ZFHX3: variants seen among roughly 807,000 people sequenced by gnomAD.
ZFHX3 encodes zinc finger homeobox 3, also known as zinc finger homeobox protein 3.
A neutral mutation model predicts 279.1 loss-of-function variants in ZFHX3; 42 were observed. The ratio of observed to expected loss-of-function variants is 0.15; its 90% CI spans 0.12 to 0.19. ZFHX3 has a LOEUF of 0.19. Ranked by LOEUF, ZFHX3 falls within the 10% of genes least tolerant of loss-of-function variation. The probability of loss-of-function intolerance (pLI) is 1.00; values close to 1 mark genes in which losing one functional copy is unlikely to be tolerated. For synonymous variants in ZFHX3, 2,293 were observed against 1,957.8 expected (o/e 1.17, Z -4.52); for missense variants, 4,981 against 4,754.0 (o/e 1.05, Z -1.40).
intron 7 of ZFHX3, among the ~76,000 whole-genome samples, chr16:73,118,226 G>T (rs911737055): frequency 6.6e-6 from 1 of 152,112 alleles, no homozygotes; most frequent in East Asian, 1.9e-4. Flanking sequence ...TTTTGTTGTT[G>T]TTGAGACAGT....
chr16:73,742,350 G>T (rs11859310), intron 1 of ZFHX3, among the ~76,000 whole-genome samples: 3 of 152,026 alleles, frequency 2.0e-5, no homozygotes, highest in African/African-American at 7.2e-5. Flanking sequence ...GTTTGAAGAG[G>T]GTGTGTGGGT....
chr16:73,882,646 T>A (rs181512912), intron 1 of ZFHX3, among the ~76,000 whole-genome samples: 143 of 152,074 alleles, frequency 9.4e-4, no homozygotes, highest in Non-Finnish European at 1.8e-3. Context: ...GTCTGGAAAT[T>A]CCAGGATCCT....
chr16:73,155,004 T>C (rs1967039131), intron 5 of ZFHX3, among the ~76,000 whole-genome samples: 1 of 151,702 alleles, frequency 6.6e-6, no homozygotes, highest in Non-Finnish European at 1.5e-5. Context: ...CGAAACCCCA[T>C]CTCTACTAAA....
intron 5 of ZFHX3, among the ~76,000 whole-genome samples, chr16:73,161,630 G>T (rs1195074344): frequency 6.6e-6 from 1 of 152,172 alleles, no homozygotes; most frequent in Non-Finnish European, 1.5e-5. Context: ...ATGATGAGAA[G>T]TGCTTGTTAA....
intron 1 of ZFHX3, among the ~76,000 whole-genome samples, chr16:73,739,110 T>C (rs975416124): frequency 6.6e-6 from 1 of 152,198 alleles, no homozygotes; most frequent in African/African-American, 2.4e-5. Context: ...CTATTCTCCC[T>C]TTTGCTCAGC....
chr16:73,495,958 C>G (rs184263566), intron 2 of ZFHX3, among the ~76,000 whole-genome samples: 1 of 152,314 alleles, frequency 6.6e-6, no homozygotes, highest in African/African-American at 2.4e-5. Flanking sequence ...CACGGTCGTG[C>G]TGCAGAAACG....
At chr16:73,130,978 C>A in exon 7 of ZFHX3, 1 of 1,305,324 alleles carries the variant, frequency 7.7e-7, no homozygotes, top group Non-Finnish European at 1.0e-6. Context: ...CTCTATGCAA[C>A]TGCCGCTTTG....
chr16:73,130,760 A>G (rs1400333795), intron 7 of ZFHX3, among the ~76,000 whole-genome samples: 3 of 152,202 alleles, frequency 2.0e-5, no homozygotes, highest in Non-Finnish European at 4.4e-5. Context: ...GGCACCTGCC[A>G]CCAAGCCTGG....
In ZFHX3 at chr16:73,243,649, G is replaced by A. The variant is rs568091978; in HGVS notation, c.-1104+13398C>T. On this transcript the variant is annotated intron_variant, in intron 5 of 17. Coordinates refer to the ZFHX3 transcript ENST00000641206. ...CATATGACGGTAAAGGCTAAATTGTGAATTGCTTTCATCGGGGTTTTGCTT... is the reference window on the plus strand; with the variant it reads ...CATATGACGGTAAAGGCTAAATTGTAAATTGCTTTCATCGGGGTTTTGCTT... Among the ~76,000 whole-genome samples the A allele has an allele frequency of 2.1e-4, 32 of 152,266 alleles. No homozygotes were observed. In the South Asian group the frequency reaches 6.2e-3, roughly 30 times the overall value.
chr16:73,310,211 T>G (rs994058051), intron 4 of ZFHX3, among the ~76,000 whole-genome samples: 38 of 152,036 alleles, frequency 2.5e-4, no homozygotes, highest in African/African-American at 8.9e-4. Context: ...CCGGTCTGCT[T>G]TGGGACTCTT....
intron 3 of ZFHX3, among the ~76,000 whole-genome samples, chr16:72,921,641 A>G (rs772136639): frequency 3.3e-5 from 5 of 152,192 alleles, no homozygotes; most frequent in Non-Finnish European, 7.3e-5. Context: ...CCTTCCCCCA[A>G]TGCTTCGTGC....
intron 1 of ZFHX3, among the ~76,000 whole-genome samples, chr16:73,746,881 C>T (rs973835273): frequency 2.0e-5 from 3 of 152,138 alleles, no homozygotes; most frequent in Non-Finnish European, 2.9e-5. Flanking sequence ...TCCTTATTGC[C>T]AAAGTACACA....
At chr16:72,924,565 T>C (rs1191339545) in intron 3 of ZFHX3, among the ~76,000 whole-genome samples, 1 of 152,160 alleles carries the variant, frequency 6.6e-6, no homozygotes, top group Admixed American at 6.6e-5. Flanking sequence ...CTGGATATTC[T>C]CAGGCCGAAT....
chr16:73,043,319 CA>C (rs1476731535), intron 1 of ZFHX3, among the ~76,000 whole-genome samples: 2 of 152,084 alleles, frequency 1.3e-5, no homozygotes, highest in African/African-American at 4.8e-5. Context: ...GGGGGTCACC[CA>C]AAAGGCAGAT....
At chr16:73,589,375 G>A (rs1185399152) in intron 2 of ZFHX3, among the ~76,000 whole-genome samples, 17 of 146,942 alleles carry the variant, frequency 1.2e-4, no homozygotes, top group African/African-American at 4.3e-4. Flanking sequence ...GGTTAAGATT[G>A]CAGTGTGCTA....
chr16:73,231,172 GACACAGGTGCA>G (rs1341163894), intron 5 of ZFHX3, among the ~76,000 whole-genome samples: 1 of 152,214 alleles, frequency 6.6e-6, no homozygotes, highest in African/African-American at 2.4e-5. Flanking sequence ...CACTCCCCGG[GACACAGGTGCA>G]TGCCCAGCAT....
At position 73,850,410 on chromosome 16, in the gene ZFHX3, A is replaced by G. The variant is rs574906330; in HGVS notation, c.-1608+41241T>C. Among the ~76,000 whole-genome samples, 10 of 152,342 alleles carry G rather than the reference A, an allele frequency of 6.6e-5. 1 individual carries two copies. Among genetic ancestry groups the G allele is most frequent in the Middle Eastern group, 6.8e-3 (2 of 294 alleles). ...CTTGCTGGATTTTGGTGGGAAATCAAGATGGCTTCCTTCTGAAAACTGAGT... is the reference window on the plus strand; with the variant it reads ...CTTGCTGGATTTTGGTGGGAAATCAGGATGGCTTCCTTCTGAAAACTGAGT... On this transcript the variant is annotated intron_variant, in intron 1 of 17. Transcript: ENST00000641206.
At position 73,045,008 on chromosome 16, in the gene ZFHX3, G is replaced by T. The variant is rs116112907; in HGVS notation, c.-50+2744C>A. Among the ~76,000 whole-genome samples, 1,324 of 152,240 alleles carry T rather than the reference G, an allele frequency of 8.7e-3. 26 individuals carry two copies. Among genetic ancestry groups the T allele is most frequent in the African/African-American group, 0.03 (1,258 of 41,530 alleles). The stretch of plus-strand genomic sequence containing the variant: ...CTACACTTTTACAAAATGTTGCTTA[G>T]TCACTTAAATATTTACTTTTTAAGA... On this transcript the variant is annotated intron_variant, in intron 1 of 9. Transcript: ENST00000268489.
At chr16:73,667,138 C>T (rs1445741744) in intron 2 of ZFHX3, among the ~76,000 whole-genome samples, 1 of 151,934 alleles carries the variant, frequency 6.6e-6, no homozygotes, top group Non-Finnish European at 1.5e-5. Context: ...ATTACAGGTG[C>T]CCGCCACCAC....
Sources: allele counts gnomAD v4.1 joint callset (sites outside exome capture counted in the v4.1 genomes callset), GRCh38; gene constraint gnomAD v4.1.1; transcripts MANE v1.5; gene names NCBI Gene and HGNC (gene_info 2026-07-23, HGNC 2026-07-21).